Variants in TBCE observed in about 807,000 individuals in gnomAD.
The protein encoded by TBCE is tubulin folding cofactor E.
TBCE carries 53 observed loss-of-function variants against 77.0 expected under a neutral mutation model. The ratio of observed to expected loss-of-function variants is 0.69; its 90% CI spans 0.55 to 0.87. The LOEUF (loss-of-function observed/expected upper bound fraction) is 0.87. Among genes scored for constraint, TBCE ranks in the 40% least tolerant of loss-of-function variants. The pLI, the probability that TBCE is intolerant of heterozygous loss-of-function variation, is 0.00. For synonymous variants in TBCE, 235 were observed against 241.3 expected, an observed-to-expected ratio of 0.97 and a Z score of 0.24; for missense variants, 624 against 622.4, an observed-to-expected ratio of 1.00 and a Z score of -0.03.
At chr1:235,415,437 C>A (rs1230187878) in intron 4 of TBCE, 1 of 152,230 alleles carries the variant, frequency 6.6e-6, no homozygotes, top group Non-Finnish European at 1.5e-5. Flanking sequence ...CCAGTCATGG[C>A]TGCACAAGAA....
chr1:235,398,111 T>C (rs1432004390), intron 2 of TBCE, among the ~76,000 whole-genome samples: 2 of 151,908 alleles, frequency 1.3e-5, no homozygotes, highest in Non-Finnish European at 2.9e-5. Flanking sequence ...CCCATTCTGA[T>C]AGTTTCTATG....
intron 13 of TBCE, chr1:235,441,363 G>A (rs1419652919): frequency 4.0e-6 from 1 of 251,540 alleles, no homozygotes; most frequent in Non-Finnish European, 7.7e-6. Flanking sequence ...CGTGAGAAGT[G>A]TCCTGTGGAT....
intron 5 of TBCE, among the ~76,000 whole-genome samples, chr1:235,424,958 C>A (rs532762619): frequency 1.3e-5 from 2 of 152,288 alleles, no homozygotes; most frequent in South Asian, 4.1e-4. Flanking sequence ...TGGAGCTCTT[C>A]TTCTGTCGCT....
At chr1:235,431,269 G>C (rs961998766) in intron 7 of TBCE, among the ~76,000 whole-genome samples, 3 of 152,090 alleles carry the variant, frequency 2.0e-5, no homozygotes, top group African/African-American at 7.2e-5. Flanking sequence ...TAGACTTGTG[G>C]GTCCTTGGCA....
At chr1:235,437,589 A>T (rs554473599) in intron 12 of TBCE, 115 bp downstream of exon 12, 2 of 1,246,322 alleles carry the variant, frequency 1.6e-6, no homozygotes, top group Non-Finnish European at 2.3e-6. Context: ...GGGCAGGCTG[A>T]TCGCTGCAGT....
In TBCE at chr1:235,452,282, G is replaced by C. The variant is rs1318044376; in HGVS notation, c.*3520G>C. On this transcript the variant is annotated 3_prime_UTR_variant, in exon 17 of 17. Transcript: ENST00000642610. ...GCCCGCCTCGGCCTTCTGTTGTTAA[G>C]TTTTAAAGCTGCAAATAATTTCTGA... 6.6e-6 allele frequency: 1 copy of C among 152,180 alleles called. No homozygotes were observed. The highest frequency in any genetic ancestry group is 1.5e-5 in the Non-Finnish European group (1 of 68,044). The allele number at this position is 152,180 out of a possible 1,614,324, so 9.4% of individuals were successfully genotyped here.
chr1:235,447,543 G>A (rs183385984), intron 15 of TBCE, among the ~76,000 whole-genome samples: 4 of 152,200 alleles, frequency 2.6e-5, no homozygotes, highest in East Asian at 1.9e-4. Context: ...ACAGAATGGC[G>A]GCGCTGGAAG....
At chr1:235,398,447 T>C (rs1678879014) in intron 2 of TBCE, among the ~76,000 whole-genome samples, 3 of 151,688 alleles carry the variant, frequency 2.0e-5, no homozygotes, top group Admixed American at 1.3e-4. Context: ...TGCCCGGGTA[T>C]TGGAAAATGT....
intron 11 of TBCE, 22 bp from the exon 12 acceptor site, chr1:235,437,300 A>C (rs1207327798): frequency 6.2e-7 from 1 of 1,613,710 alleles, no homozygotes. Context: ...CTTTTCATTT[A>C]TTTCCTTTTG....
At chr1:235,440,222 G>A (rs1681776280) in intron 13 of TBCE, among the ~76,000 whole-genome samples, 1 of 152,116 alleles carries the variant, frequency 6.6e-6, no homozygotes, top group South Asian at 2.1e-4. Flanking sequence ...CACCCACCTT[G>A]GCCTCCCAGA....
chr1:235,430,670 G>T, intron 6 of TBCE, 35 bp from the exon 7 acceptor site: 1 of 1,506,336 alleles, frequency 6.6e-7, no homozygotes, highest in South Asian at 1.2e-5. Context: ...TTACTGTATA[G>T]AAATAAGTAC....
intron 15 of TBCE, among the ~76,000 whole-genome samples, chr1:235,445,191 G>T (rs547818053): frequency 1.3e-5 from 2 of 152,290 alleles, no homozygotes; most frequent in East Asian, 3.9e-4. Flanking sequence ...GATTACAAGG[G>T]TTCCTTTTTT....
chr1:235,448,603 GTA>G, intron 16 of TBCE, 65 bp from the exon 17 acceptor site: 1 of 1,435,640 alleles, frequency 7.0e-7, no homozygotes, highest in Non-Finnish European at 9.8e-7. Context: ...TGGGGGAAGA[GTA>G]TGTGTAGCAT....
At chr1:235,442,002 A>T in intron 14 of TBCE, 120 bp downstream of exon 14, 2 of 890,978 alleles carry the variant, frequency 2.2e-6, no homozygotes, top group Admixed American at 2.6e-5. Context: ...TGAGTTTTAA[A>T]TGAAAATTTT....
intron 16 of TBCE, 85 bp from the exon 17 acceptor site, chr1:235,448,585 G>A: frequency 7.2e-7 from 1 of 1,382,806 alleles, no homozygotes; most frequent in Non-Finnish European, 1.0e-6. Context: ...TACTGCCTGG[G>A]GACGGGGTGG....
At chr1:235,413,356 C>T (rs1679920934) in intron 3 of TBCE, among the ~76,000 whole-genome samples, 1 of 148,328 alleles carries the variant, frequency 6.7e-6, no homozygotes, top group Non-Finnish European at 1.5e-5. Flanking sequence ...GTGAGACCCC[C>T]TTTCTTTAAA....
intron 2 of TBCE, among the ~76,000 whole-genome samples, chr1:235,390,871 G>A (rs910935786): frequency 6.6e-6 from 1 of 152,046 alleles, no homozygotes; most frequent in African/African-American, 2.4e-5. Flanking sequence ...AGGGTCATGA[G>A]CTAAGGAGTG....
intron 1 of TBCE, among the ~76,000 whole-genome samples, chr1:235,373,630 A>ATTTATT (rs143798521): frequency 6.7e-6 from 1 of 149,490 alleles, no homozygotes; most frequent in Non-Finnish European, 1.5e-5. Flanking sequence ...TTTTATTTTT[A>ATTTATT]TTTATTTTTA....
intron 13 of TBCE, among the ~76,000 whole-genome samples, chr1:235,440,390 G>A (rs1280346534): frequency 1.3e-5 from 2 of 151,688 alleles, no homozygotes; most frequent in African/African-American, 4.8e-5. Context: ...TGAGGCATCC[G>A]TATATATATA....
Sources: gnomAD v4.1 joint callset for allele counts (sites outside exome capture counted in the v4.1 genomes callset) on GRCh38, gnomAD v4.1.1 for gene constraint, MANE v1.5 for transcripts, NCBI Gene and HGNC (gene_info 2026-07-23, HGNC 2026-07-21) for gene names.